Variants in TRPM6 observed in about 807,000 individuals in gnomAD.
TRPM6 encodes channel kinase 2.
In TRPM6, 111 loss-of-function variants were observed where a neutral mutation model predicts 247.6. The ratio of observed to expected loss-of-function variants is 0.45; its 90% CI spans 0.38 to 0.52. The LOEUF is 0.52. TRPM6 is among the 20% of genes least tolerant of loss of function. The pLI is 0.00. For missense variants in TRPM6, 2,126 were observed against 2,421.5 expected (o/e 0.88, Z 2.56); for synonymous variants, 892 against 853.8 (o/e 1.04, Z -0.78).
chr9:74,841,511 T>C (rs1829938933), intron 4 of TRPM6, among the ~76,000 whole-genome samples: 5 of 152,200 alleles, frequency 3.3e-5, no homozygotes, highest in Admixed American at 2.6e-4. Flanking sequence ...ACTTCTTTTT[T>C]TTTTTCTTTT....
At chr9:74,794,784 A>AT (rs892864388) in intron 18 of TRPM6, among the ~76,000 whole-genome samples, 68 of 151,228 alleles carry the variant, frequency 4.5e-4, no homozygotes, top group African/African-American at 1.3e-3. Flanking sequence ...ATAAATTCAG[A>AT]TTTTTTTTTA....
At chr9:74,881,491 C>T (rs1018696313) in intron 1 of TRPM6, among the ~76,000 whole-genome samples, 8 of 152,090 alleles carry the variant, frequency 5.3e-5, no homozygotes, top group East Asian at 1.9e-4. Flanking sequence ...AATACAGTAA[C>T]GGTTGGGGAC....
intron 12 of TRPM6, among the ~76,000 whole-genome samples, chr9:74,811,244 T>C (rs943916875): frequency 6.6e-6 from 1 of 152,186 alleles, no homozygotes; most frequent in Admixed American, 6.5e-5. Flanking sequence ...ATGACAAATA[T>C]AAGCACTATT....
At chr9:74,783,356 C>T (rs1587500496) in intron 21 of TRPM6, among the ~76,000 whole-genome samples, 3 of 152,190 alleles carry the variant, frequency 2.0e-5, no homozygotes, top group Admixed American at 6.5e-5. Flanking sequence ...AGAGCACTCA[C>T]CACAATTCCC....
chr9:74,775,859 C>T (rs564738000), intron 24 of TRPM6, 24 bp downstream of exon 24: 8 of 1,613,144 alleles, frequency 5.0e-6, no homozygotes, highest in Non-Finnish European at 6.8e-6. Context: ...CTCTCTTTCT[C>T]CTGCCTCACA....
chr9:74,777,466 TTTG>T (rs987016045), intron 23 of TRPM6, among the ~76,000 whole-genome samples: 19 of 152,248 alleles, frequency 1.2e-4, no homozygotes, highest in East Asian at 3.9e-4. Flanking sequence ...ACACTGGACA[TTTG>T]TTGTTGTTGT....
intron 13 of TRPM6, among the ~76,000 whole-genome samples, chr9:74,810,146 TA>T (rs1828678036): frequency 1.3e-5 from 2 of 151,828 alleles, no homozygotes; most frequent in Non-Finnish European, 2.9e-5. Context: ...TAGTGACAAA[TA>T]AATAAAAAGT....
At chr9:74,800,063 G>A (rs927923547) in intron 17 of TRPM6, 191 bp downstream of exon 17, 6 of 624,774 alleles carry the variant, frequency 9.6e-6, no homozygotes, top group African/African-American at 5.5e-5. Context: ...GACCATCCCC[G>A]ATAGAGGAAG....
intron 1 of TRPM6, among the ~76,000 whole-genome samples, chr9:74,877,386 T>G (rs549226655): frequency 6.6e-6 from 1 of 152,270 alleles, no homozygotes; most frequent in East Asian, 1.9e-4. Context: ...GCACCTGGAC[T>G]CCAGTGGGCC....
intron 1 of TRPM6, among the ~76,000 whole-genome samples, chr9:74,884,962 T>C (rs188184218): frequency 6.6e-6 from 1 of 152,308 alleles, no homozygotes; most frequent in East Asian, 1.9e-4. Flanking sequence ...AGGTAATAGC[T>C]GTGCATCAAA....
intron 6 of TRPM6, among the ~76,000 whole-genome samples, chr9:74,831,614 A>G (rs1829549774): frequency 6.6e-6 from 1 of 152,242 alleles, no homozygotes; most frequent in South Asian, 2.1e-4. Context: ...GGAAGTCATG[A>G]TAGACAATGG....
At chr9:74,825,239 G>A (rs1435489313) in intron 7 of TRPM6, among the ~76,000 whole-genome samples, 1 of 152,126 alleles carries the variant, frequency 6.6e-6, no homozygotes, top group Non-Finnish European at 1.5e-5. Context: ...TCCAGCCTGG[G>A]TGACAAAGTG....
rs1480533731 is a variant in TRPM6 at position 74,739,419 on chromosome 9, A to G, written c.5518T>C (p.Leu1840=). 1.2e-6 allele frequency: 2 copies of G among 1,614,122 alleles called. No homozygotes were observed. The highest frequency in any genetic ancestry group is 1.7e-6 in the Non-Finnish European group (2 of 1,180,006). The change falls in exon 35 of 39, where the codon TTG becomes CTG. Residue 1840 remains leucine (L), a synonymous_variant. Transcript: ENST00000360774. ...TTCACTTGGTTGAAGGTATAGATCA[A>G]TTTTTGAGCAGCTCTTTGTTGTTGA... is the stretch of plus-strand genomic sequence containing the variant. ...EIQQQRAAQK[L]IYTFNQVKPQ... is the part of the protein sequence containing the mutation.
At chr9:74,782,965 A>T in intron 21 of TRPM6, 112 bp from the exon 22 acceptor site, 1 of 1,045,086 alleles carries the variant, frequency 9.6e-7, no homozygotes, top group Non-Finnish European at 1.5e-6. Context: ...TTGTCTAGTC[A>T]TTGACTAAAA....
At chr9:74,820,200 T>C in intron 9 of TRPM6, 104 bp downstream of exon 9, 1 of 1,341,716 alleles carries the variant, frequency 7.5e-7, no homozygotes, top group Non-Finnish European at 1.0e-6. Flanking sequence ...GTTGTTCCCC[T>C]TCCTGTGTCC....
chr9:74,886,790 T>C (rs1326248954), intron 1 of TRPM6, among the ~76,000 whole-genome samples: 2 of 152,168 alleles, frequency 1.3e-5, no homozygotes, highest in East Asian at 3.8e-4. Context: ...ATTATCCCAT[T>C]TTCCAGATGA....
chr9:74,747,765 A>G (rs761500703), intron 31 of TRPM6, 124 bp downstream of exon 31: 58 of 816,618 alleles, frequency 7.1e-5, no homozygotes, highest in Middle Eastern at 2.5e-4. Flanking sequence ...AACTTTCTAC[A>G]TTGCATGATG....
intron 1 of TRPM6, among the ~76,000 whole-genome samples, chr9:74,869,948 G>A (rs1417758598): frequency 6.6e-6 from 1 of 152,130 alleles, no homozygotes; most frequent in East Asian, 1.9e-4. Flanking sequence ...TATTATCCAT[G>A]TTCTATAGAA....
chr9:74,807,972 T>C, intron 14 of TRPM6, 62 bp downstream of exon 14: 1 of 1,602,572 alleles, frequency 6.2e-7, no homozygotes, highest in Non-Finnish European at 8.5e-7. Flanking sequence ...CAAGGCCATT[T>C]TTCCAAAACA....
Sources: allele counts gnomAD v4.1 joint callset (sites outside exome capture counted in the v4.1 genomes callset), GRCh38; gene constraint gnomAD v4.1.1; transcripts MANE v1.5; gene names NCBI Gene and HGNC (gene_info 2026-07-23, HGNC 2026-07-21).